Variants in CARD19 observed in about 807,000 individuals in gnomAD.
The protein encoded by CARD19 is caspase recruitment domain-containing protein 19.
In CARD19, 25 loss-of-function variants were observed where a neutral mutation model predicts 24.1. That is an observed-to-expected ratio of 1.04 (90% confidence interval 0.76 to 1.45). The LOEUF (loss-of-function observed/expected upper bound fraction) is 1.45. Among genes scored for constraint, CARD19 ranks in the 40% most tolerant of loss-of-function variants. CARD19 has a pLI of 0.00. For synonymous variants in CARD19, 103 were observed against 104.9 expected, an observed-to-expected ratio of 0.98 and a Z score of 0.11; for missense variants, 241 against 247.4, an observed-to-expected ratio of 0.97 and a Z score of 0.17.
intron 1 of CARD19, among the ~76,000 whole-genome samples, chr9:93,104,676 G>A (rs997776930): frequency 4.6e-5 from 7 of 152,102 alleles, no homozygotes; most frequent in South Asian, 2.1e-4. Context: ...TCACAGTTCC[G>A]TTTTGGTAGA....
At chr9:93,110,539 T>A (rs1827427405) in intron 2 of CARD19, 29 bp from the exon 3 acceptor site, 2 of 1,565,324 alleles carry the variant, frequency 1.3e-6, no homozygotes, top group Non-Finnish European at 1.7e-6. Context: ...CCTGGCCTGA[T>A]CTTCCCTGGC....
chr9:93,102,372 T>C (rs1827117543), intron 1 of CARD19, among the ~76,000 whole-genome samples: 1 of 152,214 alleles, frequency 6.6e-6, no homozygotes, highest in South Asian at 2.1e-4. Context: ...GTTCTCTGTG[T>C]CTTTTGCTGT....
chr9:93,111,437 A>G, intron 3 of CARD19: 1 of 1,071,860 alleles, frequency 9.3e-7, no homozygotes. Context: ...GACCAGAGGG[A>G]CTGGGCGGCT....
intron 2 of CARD19, among the ~76,000 whole-genome samples, chr9:93,108,502 C>T (rs1272781501): frequency 1.3e-5 from 2 of 151,942 alleles, no homozygotes; most frequent in Non-Finnish European, 2.9e-5. Flanking sequence ...GAGTGGACAC[C>T]GAGAGCCCCT....
In CARD19 at chr9:93,110,578, C is replaced by T. The variant is rs1267762483; in HGVS notation, c.161C>T (p.Pro54Leu). 6.2e-7 allele frequency: 1 copy of T among 1,603,662 alleles called. No homozygotes were observed. The highest frequency in any genetic ancestry group is 1.3e-5 in the African/African-American group (1 of 74,780). ...TNKEAEKFRN[P>L]KASLRVRLCD... ...CCCTTGTACCCTCAGTTCCGGAACC[C>T]CAAGGCATCCTTGCGTGTGCGGCTC... is the stretch of plus-strand genomic sequence containing the variant. Residue 54 changes from proline to leucine, a missense_variant, in exon 3 of 6, where the codon CCC (proline) becomes CTC (leucine). By Grantham distance (98) the Pro-to-Leu change is moderately conservative. Coordinates refer to ENST00000375464, the MANE Select transcript of CARD19 (RefSeq NM_032310.5).
At chr9:93,097,293 A>G (rs558811995) in intron 1 of CARD19, among the ~76,000 whole-genome samples, 1 of 152,082 alleles carries the variant, frequency 6.6e-6, no homozygotes, top group African/African-American at 2.4e-5. Context: ...GGTCCTGCCC[A>G]CAAATAGGAT....
chr9:93,106,419 A>AAAAAAAAAT lies in CARD19; in HGVS notation c.8-1247_8-1246insTAAAAAAAA, dbSNP rs1554753838. Among the ~76,000 whole-genome samples, 27 of 148,718 alleles carry AAAAAAAAAT rather than the reference A, an allele frequency of 1.8e-4. No homozygotes were observed. The South Asian group carries it at 5.3e-3, about 29-fold the overall frequency. ...TGGTGAAACCCTGTCTCTACTAAAA[A>AAAAAAAAAT]AAAAAAAAAAATACAAAAACCAGCT... On this transcript the variant is annotated intron_variant, in intron 1 of 5. Transcript: ENST00000375464.
Position 93,096,942 on chromosome 9 carries a change from G to A in CARD19, c.7+590G>A, listed in dbSNP as rs1347760839. Reference sequence around the variant, plus strand: ...CCTGTTTAGTTCTAAGAGAATCGGGGACAGCGACTGGACCCCCCAAGGTTG... The same window carrying A: ...CCTGTTTAGTTCTAAGAGAATCGGGAACAGCGACTGGACCCCCCAAGGTTG... On this transcript the variant is annotated intron_variant, in intron 1 of 5. Transcript: ENST00000375464. The surrounding 1 kb of genome is among the most constrained non-coding windows in gnomAD (Gnocchi z 5.4). 6.6e-6 allele frequency among the ~76,000 whole-genome samples: 1 copy of A among 152,174 alleles called. No homozygotes were observed. The highest frequency in any genetic ancestry group is 2.4e-5 in the African/African-American group (1 of 41,442).
intron 4 of CARD19, 112 bp downstream of exon 4, chr9:93,112,050 A>G (rs1332157583): frequency 2.1e-6 from 3 of 1,440,910 alleles, no homozygotes; most frequent in Non-Finnish European, 2.8e-6. Context: ...GTCTGGCTCC[A>G]TTCCTGGCCT....
chr9:93,104,430 T>C (rs575015409), intron 1 of CARD19, among the ~76,000 whole-genome samples: 1 of 151,202 alleles, frequency 6.6e-6, no homozygotes, highest in Admixed American at 6.7e-5. Flanking sequence ...GCTGACCTCA[T>C]AGAATTAGTT....
intron 1 of CARD19, among the ~76,000 whole-genome samples, chr9:93,097,278 G>A (rs1826910993): frequency 1.3e-5 from 2 of 151,614 alleles, no homozygotes; most frequent in Admixed American, 1.3e-4. Context: ...TTGAGTCTCA[G>A]CCTAGGTCCT....
At position 93,110,959 on chromosome 9, in the gene CARD19, C is replaced by T. The variant is rs758550373; in HGVS notation, c.304+238C>T. ...GTCTCCCACTTTCTCCCCCTTCCTC[C>T]GTCTCTCTCTCATGGCAGTTTTCAC... On this transcript the variant is annotated intron_variant, in intron 3 of 5. Coordinates refer to ENST00000375464, the MANE Select transcript of CARD19 (RefSeq NM_032310.5). 1.8e-5 allele frequency: 27 copies of T among 1,523,746 alleles called. No individual in the cohort carries two copies. In the South Asian group the frequency reaches 2.3e-4, roughly 13 times the overall value. 94.4% of individuals were successfully genotyped at this position (1,523,746 alleles called of 1,614,324 possible).
In CARD19 at chr9:93,113,018, C is replaced by A. The variant is rs151113776; in HGVS notation, c.463C>A (p.Arg155Ser). The A allele has an allele frequency of 1.4e-4, 221 of 1,609,086 alleles. No homozygotes were observed. Among genetic ancestry groups the A allele is most frequent in the Admixed American group, 1.8e-4 (11 of 59,622 alleles). ...CCCCAAGGGCCTGCCAGGGACCCGG[C>A]GCGTCCTCGGTTTCTCGCCTGTCAT... is the stretch of plus-strand genomic sequence containing the variant. ...PDPKGLPGTR[R>S]VLGFSPVIID... The change falls in exon 6 of 6, where the codon CGC becomes AGC. Residue 155 changes from arginine to serine, a missense_variant. Arg to Ser is a moderately radical substitution (Grantham distance 110). Coordinates refer to ENST00000375464, the MANE Select transcript of CARD19 (RefSeq NM_032310.5).
At position 93,107,793 on chromosome 9, in the gene CARD19, C is replaced by G. The variant is rs761079733; in HGVS notation, c.127C>G (p.Leu43Val). 1.1e-5 allele frequency: 17 copies of G among 1,614,096 alleles called. No individual in the cohort carries two copies. The highest frequency in any genetic ancestry group is 1.4e-5 in the Non-Finnish European group (17 of 1,180,044). ...GCTGAACCGTTACTACCCACAGATC[C>G]TTACCAACAAGGAGGCGGAAAAGGT... ...LQLNRYYPQILTNKEAEKFRN... is the reference protein window; with the variant it reads ...LQLNRYYPQIVTNKEAEKFRN... Residue 43 changes from leucine (L) to valine (V), a missense_variant, in exon 2 of 6, where the codon CTT becomes GTT. Coordinates refer to ENST00000375464, the MANE Select transcript of CARD19 (RefSeq NM_032310.5).
chr9:93,101,958 A>AT (rs34848135), intron 1 of CARD19, among the ~76,000 whole-genome samples: 88,865 of 138,722 alleles, frequency 0.64, 30,331 homozygotes, highest in Non-Finnish European at 0.77. Context: ...AATGATGAGC[A>AT]TTTTTTTTTT....
rs1046370219 is a variant in CARD19 at position 93,096,371 on chromosome 9, G to A, written c.7+19G>A. ...ATGACAGGTGGGCACGGGGTCGGCT[G>A]GGCGGCAGGGATGCGGGCGCCCTGG... On this transcript the variant is annotated intron_variant, in intron 1 of 5. Transcript: ENST00000375464. The surrounding 1 kb of genome is among the most constrained non-coding windows in gnomAD (Gnocchi z 5.4). 2.4e-6 allele frequency: 3 copies of A among 1,225,680 alleles called. No individual in the cohort carries two copies. Among genetic ancestry groups the A allele is most frequent in the Non-Finnish European group, 2.0e-6 (2 of 983,896 alleles). 75.9% of individuals were successfully genotyped at this position (1,225,680 alleles called of 1,614,324 possible). A position where few individuals can be genotyped will look rare whatever the true frequency, so the allele number is the denominator to read the frequency against.
chr9:93,110,359 T>C, intron 2 of CARD19: 1 of 726,006 alleles, frequency 1.4e-6, no homozygotes, highest in Non-Finnish European at 2.2e-6. Flanking sequence ...ACAGGGAGTA[T>C]GAGGAGTAGC....
At chr9:93,111,996 C>T in intron 4 of CARD19, 58 bp downstream of exon 4, 1 of 1,555,976 alleles carries the variant, frequency 6.4e-7, no homozygotes. Flanking sequence ...TCTCTTTACC[C>T]TCCCCAGGGC....
At chr9:93,112,080 CCCCCTA>C (rs1587654217) in intron 4 of CARD19, 132 bp from the exon 5 acceptor site, 29 of 1,331,574 alleles carry the variant, frequency 2.2e-5, no homozygotes, top group Non-Finnish European at 2.9e-5. Flanking sequence ...GACAGACCCC[CCCCCTA>C]AGGTGCTCGT....
Sources: gnomAD v4.1 joint callset for allele counts (sites outside exome capture counted in the v4.1 genomes callset) on GRCh38, gnomAD v4.1.1 for gene constraint, Gnocchi (gnomAD v3.1) non-coding constraint, MANE v1.5 for transcripts, NCBI Gene and HGNC (gene_info 2026-07-23, HGNC 2026-07-21) for gene names.